CACNA2D3: variants seen among roughly 807,000 people sequenced by gnomAD.
CACNA2D3 encodes voltage-dependent calcium channel subunit alpha-2/delta-3.
In CACNA2D3, 60 loss-of-function variants were observed where a neutral mutation model predicts 160.6. The observed-to-expected ratio is 0.37, with a 90% CI of 0.30 to 0.46. The LOEUF is 0.46. CACNA2D3 is among the 20% of genes least tolerant of loss of function. The probability of loss-of-function intolerance (pLI) is 1.00; values close to 1 mark genes in which losing one functional copy is unlikely to be tolerated. For synonymous variants in CACNA2D3, 558 were observed against 492.9 expected, an observed-to-expected ratio of 1.13 and a Z score of -1.75; for missense variants, 1,205 against 1,365.0, an observed-to-expected ratio of 0.88 and a Z score of 1.85.
At chr3:54,320,346 T>C in intron 2 of CACNA2D3, 96 bp from the exon 3 acceptor site, 2 of 570,092 alleles carry the variant, frequency 3.5e-6, no homozygotes. Context: ...TGTAATTTTA[T>C]CTTTATTTAT....
At chr3:55,036,634 G>A (rs1022564229) in intron 35 of CACNA2D3, among the ~76,000 whole-genome samples, 21 of 151,136 alleles carry the variant, frequency 1.4e-4, no homozygotes, top group African/African-American at 4.6e-4. Flanking sequence ...CGCCCAACTA[G>A]TTGTTGTACT....
intron 5 of CACNA2D3, among the ~76,000 whole-genome samples, chr3:54,550,150 G>A (rs1251873336): frequency 1.3e-5 from 2 of 152,074 alleles, no homozygotes; most frequent in Non-Finnish European, 2.9e-5. Flanking sequence ...TCTGGTTGAC[G>A]GAATGGCTAA....
chr3:54,232,852 A>T (rs1322952060), intron 2 of CACNA2D3, among the ~76,000 whole-genome samples: 1 of 152,196 alleles, frequency 6.6e-6, no homozygotes, highest in Non-Finnish European at 1.5e-5. Flanking sequence ...GCAAAGTGTC[A>T]CGCCCATCAA....
At chr3:54,849,765 C>T (rs1207501331) in intron 17 of CACNA2D3, among the ~76,000 whole-genome samples, 1 of 152,140 alleles carries the variant, frequency 6.6e-6, no homozygotes, top group Non-Finnish European at 1.5e-5. Flanking sequence ...GGGGTTGTGG[C>T]CAGCATGGGG....
chr3:54,215,960 G>A (rs986550969), intron 2 of CACNA2D3, among the ~76,000 whole-genome samples: 3 of 151,804 alleles, frequency 2.0e-5, no homozygotes, highest in Non-Finnish European at 4.4e-5. Flanking sequence ...GCATGTGTAT[G>A]TGTACATGTG....
intron 4 of CACNA2D3, among the ~76,000 whole-genome samples, chr3:54,455,269 CTT>C (rs569901769): frequency 6.6e-6 from 1 of 151,834 alleles, no homozygotes; most frequent in African/African-American, 2.4e-5. Context: ...CTTTTTTTGT[CTT>C]TTTGATGATA....
At chr3:54,849,890 A>G (rs1559604103) in intron 17 of CACNA2D3, among the ~76,000 whole-genome samples, 1 of 152,138 alleles carries the variant, frequency 6.6e-6, no homozygotes, top group Non-Finnish European at 1.5e-5. Flanking sequence ...CACAATACCA[A>G]TATTTTTCTA....
intron 2 of CACNA2D3, among the ~76,000 whole-genome samples, chr3:54,219,901 T>TA (rs199959914): frequency 0.021 from 3,201 of 151,614 alleles, 59 homozygotes; most frequent in Middle Eastern, 0.078. Flanking sequence ...TCTTCTTAAT[T>TA]AAAAAAAAAC....
chr3:54,974,583 A>G (rs996883286), intron 29 of CACNA2D3, among the ~76,000 whole-genome samples: 2 of 152,174 alleles, frequency 1.3e-5, no homozygotes, highest in Admixed American at 1.3e-4. Flanking sequence ...AACTTCAGGT[A>G]TCTACCTGAT....
chr3:54,142,506 G>A (rs2107269451), intron 2 of CACNA2D3, among the ~76,000 whole-genome samples: 1 of 152,118 alleles, frequency 6.6e-6, no homozygotes, highest in East Asian at 1.9e-4. Flanking sequence ...GTATCCGTGG[G>A]CCCTTTCCTC....
At chr3:54,691,617 C>T (rs1269516939) in intron 11 of CACNA2D3, among the ~76,000 whole-genome samples, 1 of 152,112 alleles carries the variant, frequency 6.6e-6, no homozygotes, top group East Asian at 1.9e-4. Context: ...AATTATAATA[C>T]TCTCTAATTC....
chr3:54,849,828 G>A (rs1699017050), intron 17 of CACNA2D3, among the ~76,000 whole-genome samples: 1 of 152,170 alleles, frequency 6.6e-6, no homozygotes, highest in African/African-American at 2.4e-5. Flanking sequence ...CATCTGCCAT[G>A]GACTTTGTTT....
chr3:54,986,109 C>G (rs966700537), intron 30 of CACNA2D3, among the ~76,000 whole-genome samples: 2 of 152,130 alleles, frequency 1.3e-5, no homozygotes, highest in African/African-American at 4.8e-5. Context: ...GGGAGGAGCT[C>G]TAGTCTTCTG....
intron 29 of CACNA2D3, among the ~76,000 whole-genome samples, chr3:54,970,697 G>T: frequency 6.8e-6 from 1 of 146,714 alleles, no homozygotes; most frequent in Admixed American, 7.0e-5. Context: ...AATGGAAGAA[G>T]AAACTATGCC....
intron 2 of CACNA2D3, among the ~76,000 whole-genome samples, chr3:54,235,652 C>CA (rs1369196380): frequency 2.0e-5 from 3 of 152,186 alleles, no homozygotes; most frequent in South Asian, 2.1e-4. Flanking sequence ...GACACAGCTA[C>CA]AAACCATATC....
At chr3:55,059,204 A>T (rs1444706670) in intron 35 of CACNA2D3, among the ~76,000 whole-genome samples, 1 of 152,222 alleles carries the variant, frequency 6.6e-6, no homozygotes. Flanking sequence ...TTGCTAAATG[A>T]ACCCAACAAT....
At chr3:55,014,648 T>C (rs1434014315) in intron 34 of CACNA2D3, among the ~76,000 whole-genome samples, 1 of 151,996 alleles carries the variant, frequency 6.6e-6, no homozygotes, top group Admixed American at 6.6e-5. Context: ...AGGAGAATCG[T>C]TTGAACCCAG....
intron 17 of CACNA2D3, among the ~76,000 whole-genome samples, chr3:54,870,699 G>C (rs1056922963): frequency 6.6e-6 from 1 of 152,158 alleles, no homozygotes; most frequent in Non-Finnish European, 1.5e-5. Flanking sequence ...GCACTCATCA[G>C]CTTTTCCGGA....
intron 4 of CACNA2D3, among the ~76,000 whole-genome samples, chr3:54,452,961 C>G (rs1700334114): frequency 6.6e-6 from 1 of 151,592 alleles, no homozygotes; most frequent in South Asian, 2.1e-4. Flanking sequence ...TTTTTTCTTT[C>G]TTTCTTTCCC....
Sources: gnomAD v4.1 joint callset for allele counts (sites outside exome capture counted in the v4.1 genomes callset) on GRCh38, gnomAD v4.1.1 for gene constraint, MANE v1.5 for transcripts, NCBI Gene and HGNC (gene_info 2026-07-23, HGNC 2026-07-21) for gene names.